TMEM132B: variants seen among roughly 807,000 people sequenced by gnomAD.
The protein encoded by TMEM132B is transmembrane protein 132B.
Under a neutral mutation model 90.8 loss-of-function variants are expected in TMEM132B, and 18 were observed. The observed-to-expected ratio is 0.20, with a 90% CI of 0.14 to 0.29. The LOEUF is 0.29. Among genes scored for constraint, TMEM132B ranks in the 10% least tolerant of loss-of-function variants. The pLI is 1.00. For synonymous variants in TMEM132B, 504 were observed against 523.3 expected, an observed-to-expected ratio of 0.96 and a Z score of 0.50; for missense variants, 1,096 against 1,326.8, an observed-to-expected ratio of 0.83 and a Z score of 2.70.
At chr12:125,652,208 T>A (rs1376848924) in intron 7 of TMEM132B, among the ~76,000 whole-genome samples, 3 of 152,268 alleles carry the variant, frequency 2.0e-5, no homozygotes, top group Non-Finnish European at 4.4e-5. Flanking sequence ...GAAAATATAC[T>A]GCTGTTATCA....
intron 1 of TMEM132B, among the ~76,000 whole-genome samples, chr12:125,272,678 T>C (rs1232063319): frequency 6.6e-6 from 1 of 152,174 alleles, no homozygotes; most frequent in Non-Finnish European, 1.5e-5. Context: ...ATTGTCTCCA[T>C]GGCAATGGGG....
chr12:125,622,653 C>A lies in TMEM132B; in HGVS notation c.1438-21423C>A, dbSNP rs141041976. The A allele has an allele frequency of 3.6e-5, 35 of 985,422 alleles. No individual in the cohort carries two copies. The African/African-American group carries it at 5.2e-4, about 15-fold the overall frequency. The allele number at this position is 985,422 out of a possible 1,614,324, so 61.0% of individuals were successfully genotyped here. A position where few individuals can be genotyped will look rare whatever the true frequency, so the allele number is the denominator to read the frequency against. On this transcript the variant is annotated intron_variant, in intron 5 of 8. Transcript: ENST00000682704. ...TGTGAGTTTAGGTGTCCAGCCTTCT[C>A]TGGGTAGCACTGAACAGATCTGAAG... is the stretch of plus-strand genomic sequence containing the variant.
intron 1 of TMEM132B, among the ~76,000 whole-genome samples, chr12:125,332,045 A>G (rs1032974351): frequency 3.9e-5 from 6 of 152,142 alleles, no homozygotes; most frequent in Non-Finnish European, 5.9e-5. Flanking sequence ...GCCCTGCCCA[A>G]ATTTATTTAG....
chr12:125,648,144 A>G (rs1156258372), intron 6 of TMEM132B, among the ~76,000 whole-genome samples: 1 of 147,638 alleles, frequency 6.8e-6, no homozygotes, highest in Non-Finnish European at 1.5e-5. Context: ...ATGAGTGAGA[A>G]TATGCGGTGT....
intron 3 of TMEM132B, among the ~76,000 whole-genome samples, chr12:125,493,902 C>T (rs543801690): frequency 8.8e-6 from 1 of 114,272 alleles, no homozygotes; most frequent in Non-Finnish European, 1.8e-5. Context: ...TGGAAATGGC[C>T]ATGTCCCTCC....
intron 4 of TMEM132B, among the ~76,000 whole-genome samples, chr12:125,531,799 G>A (rs1471531213): frequency 6.6e-6 from 1 of 152,204 alleles, no homozygotes; most frequent in South Asian, 2.1e-4. Context: ...TGTCCACTGG[G>A]TGCACTTTAC....
At chr12:125,605,410 C>T (rs1474691791) in intron 5 of TMEM132B, among the ~76,000 whole-genome samples, 2 of 152,098 alleles carry the variant, frequency 1.3e-5, no homozygotes, top group African/African-American at 4.8e-5. Flanking sequence ...ATTGTGTCTG[C>T]CATGTGCATG....
chr12:125,290,227 G>A (rs1875499625), intron 1 of TMEM132B, among the ~76,000 whole-genome samples: 1 of 152,214 alleles, frequency 6.6e-6, no homozygotes, highest in Admixed American at 6.5e-5. Context: ...CTTCTGAACA[G>A]CAGGCAATTC....
At chr12:125,482,791 C>A (rs1342281629) in intron 3 of TMEM132B, among the ~76,000 whole-genome samples, 6 of 152,142 alleles carry the variant, frequency 3.9e-5, no homozygotes, top group Non-Finnish European at 7.3e-5. Context: ...AAGACACATG[C>A]ACAAGTATGT....
chr12:125,190,504 A>G (rs1260301043), intron 1 of TMEM132B, among the ~76,000 whole-genome samples: 11 of 69,186 alleles, frequency 1.6e-4, no homozygotes, highest in Non-Finnish European at 1.4e-4. Flanking sequence ...TGGTGATGGG[A>G]AGGGGTGGTG....
At chr12:125,368,088 C>G (rs920091155) in intron 2 of TMEM132B, among the ~76,000 whole-genome samples, 2 of 152,152 alleles carry the variant, frequency 1.3e-5, no homozygotes, top group Non-Finnish European at 2.9e-5. Context: ...TGTTATTTCT[C>G]TAGGTAAGTA....
At chr12:125,630,785 T>TTGCGTACATA (rs1886351578) in intron 5 of TMEM132B, among the ~76,000 whole-genome samples, 1 of 152,052 alleles carries the variant, frequency 6.6e-6, no homozygotes, top group Non-Finnish European at 1.5e-5. Flanking sequence ...GTTCCCTTCT[T>TTGCGTACATA]TGCGTACATA....
intron 2 of TMEM132B, among the ~76,000 whole-genome samples, chr12:125,385,761 G>A (rs185229698): frequency 1.9e-3 from 292 of 152,202 alleles, no homozygotes; most frequent in African/African-American, 6.2e-3. Context: ...CATGGGAGGT[G>A]GATCAGTGTT....
At chr12:125,189,434 CA>C (rs1436995999) in intron 1 of TMEM132B, among the ~76,000 whole-genome samples, 4 of 152,090 alleles carry the variant, frequency 2.6e-5, no homozygotes, top group African/African-American at 7.2e-5. Flanking sequence ...CATTGAGTGG[CA>C]GGGGGGAGCT....
In TMEM132B at chr12:125,349,053, A is replaced by G. The variant is rs1877462382; in HGVS notation, c.68-399A>G. ...ATAAATATCAAAGTAATAAGGCACT[A>G]ACGTGTCACATACAATGGTGCAATG... is the stretch of plus-strand genomic sequence containing the variant. On this transcript the variant is annotated intron_variant, in intron 1 of 8. Coordinates refer to ENST00000682704, the MANE Select transcript of TMEM132B (RefSeq NM_001366854.1). This position sits in a 1 kb window ranked among gnomAD's most constrained non-coding sequence, Gnocchi z 4.1. 6.6e-6 allele frequency among the ~76,000 whole-genome samples: 1 copy of G among 152,258 alleles called. No homozygotes were observed. Among genetic ancestry groups the G allele is most frequent in the Non-Finnish European group, 1.5e-5 (1 of 68,048 alleles).
chr12:125,427,972 G>C (rs1026311311), intron 3 of TMEM132B, among the ~76,000 whole-genome samples: 34 of 149,414 alleles, frequency 2.3e-4, no homozygotes, highest in African/African-American at 8.2e-4. Flanking sequence ...AGGGTAACTT[G>C]CCAAGTACAT....
intron 5 of TMEM132B, among the ~76,000 whole-genome samples, chr12:125,616,062 A>G (rs950667005): frequency 4.0e-5 from 6 of 149,134 alleles, no homozygotes; most frequent in East Asian, 2.0e-4. Context: ...AACATTAGGT[A>G]TATCTCATAA....
At chr12:125,517,167 CTTT>C (rs371346721) in intron 3 of TMEM132B, among the ~76,000 whole-genome samples, 3 of 144,536 alleles carry the variant, frequency 2.1e-5, no homozygotes, top group Non-Finnish European at 3.0e-5. Flanking sequence ...CTCTCTCTCT[CTTT>C]TTTTTTTTTT....
chr12:125,434,622 C>T (rs1043272163), intron 3 of TMEM132B, among the ~76,000 whole-genome samples: 18 of 152,170 alleles, frequency 1.2e-4, no homozygotes, highest in African/African-American at 2.9e-4. Context: ...CAGGAGGCGC[C>T]GGCTGTGGTC....
Sources: gnomAD v4.1 joint callset for allele counts (sites outside exome capture counted in the v4.1 genomes callset) on GRCh38, gnomAD v4.1.1 for gene constraint, Gnocchi (gnomAD v3.1) non-coding constraint, MANE v1.5 for transcripts, NCBI Gene and HGNC (gene_info 2026-07-23, HGNC 2026-07-21) for gene names.